The following MEGF11 variants were observed in gnomAD, a reference collection of about 807,000 sequenced individuals.
The protein encoded by MEGF11 is multiple EGF like domains 11.
Under a neutral mutation model 146.6 loss-of-function variants are expected in MEGF11, and 126 were observed. The observed-to-expected ratio is 0.86, with a 90% CI of 0.74 to 1.00. MEGF11 has a LOEUF of 1.00. Ranked by LOEUF, MEGF11 falls within the 50% of genes least tolerant of loss-of-function variation. The pLI is 0.00. For synonymous variants in MEGF11, 532 were observed against 583.4 expected (o/e 0.91, Z 1.27); for missense variants, 1,509 against 1,521.2 (o/e 0.99, Z 0.13).
intron 10 of MEGF11, among the ~76,000 whole-genome samples, chr15:65,944,221 TTAG>T (rs1238143417): frequency 6.6e-6 from 1 of 151,968 alleles, no homozygotes; most frequent in Non-Finnish European, 1.5e-5. Flanking sequence ...AGCTTTCTGT[TTAG>T]TAGATGGGAG....
At chr15:65,972,610 G>C (rs1470776579) in intron 7 of MEGF11, among the ~76,000 whole-genome samples, 3 of 152,092 alleles carry the variant, frequency 2.0e-5, no homozygotes, top group Non-Finnish European at 4.4e-5. Flanking sequence ...AATTAAGAGG[G>C]TTTAGACTTC....
rs188028840 is a variant in MEGF11, at chr15:66,059,143, C to T, written c.394+35259G>A. ...ATTTGGCTCCATTTAGAAACCATTG[C>T]TCTAACCTTAACTCACATGGAGGAC... On this transcript the variant is annotated intron_variant, in intron 5 of 25. Coordinates refer to ENST00000395614, the MANE Select transcript of MEGF11 (RefSeq NM_001385028.1). 7.4e-3 allele frequency among the ~76,000 whole-genome samples: 1,120 copies of T among 152,326 alleles called. 18 individuals are homozygous for T. The highest frequency in any genetic ancestry group is 0.026 in the African/African-American group (1,073 of 41,566).
At chr15:65,898,201 T>C in intron 25 of MEGF11, 107 bp from the exon 26 acceptor site, 1 of 1,467,630 alleles carries the variant, frequency 6.8e-7, no homozygotes, top group Non-Finnish European at 9.0e-7. Flanking sequence ...CAGGGATTTA[T>C]AAATCTATGG....
rs775691096 is a variant in MEGF11 at position 65,897,928 on chromosome 15, T to A, written c.*6A>T. The A allele has an allele frequency of 6.2e-6, 10 of 1,612,812 alleles. No individual in the cohort carries two copies. The African/African-American group carries it at 1.1e-4, about 17-fold the overall frequency. On this transcript the variant is annotated 3_prime_UTR_variant, in exon 26 of 26. Transcript: ENST00000395614. ...GAGCACACTGCAAGAGAGAAGCTTA[T>A]CCCTCTTAAGATTGCTTGTCCTGGG...
intron 5 of MEGF11, among the ~76,000 whole-genome samples, chr15:66,039,800 G>T (rs529390343): frequency 8.7e-6 from 1 of 115,242 alleles, no homozygotes; most frequent in Non-Finnish European, 1.8e-5. Context: ...GTCAGGCGGC[G>T]GTGGGGTGAC....
chr15:66,118,768 ACTT>A (rs1297065998), intron 4 of MEGF11, among the ~76,000 whole-genome samples: 12 of 152,124 alleles, frequency 7.9e-5, no homozygotes, highest in African/African-American at 2.4e-4. Context: ...GGCACCCAGC[ACTT>A]CTTCTCCCTT....
intron 5 of MEGF11, among the ~76,000 whole-genome samples, chr15:66,040,550 G>C (rs1361573897): frequency 6.6e-6 from 1 of 152,150 alleles, no homozygotes; most frequent in Non-Finnish European, 1.5e-5. Context: ...CCCCCTCCAA[G>C]TCCTACAAGG....
At chr15:66,134,677 C>T (rs1208732074) in intron 1 of MEGF11, among the ~76,000 whole-genome samples, 2 of 152,238 alleles carry the variant, frequency 1.3e-5, no homozygotes, top group African/African-American at 4.8e-5. Flanking sequence ...GAAAACATTC[C>T]TTAAACAACA....
intron 4 of MEGF11, among the ~76,000 whole-genome samples, chr15:66,100,322 TA>T: frequency 6.6e-6 from 1 of 152,084 alleles, no homozygotes; most frequent in Non-Finnish European, 1.5e-5. Context: ...ACCCTTCCCC[TA>T]AAGAGCAGGG....
At chr15:66,017,997 C>T (rs752715360) in intron 5 of MEGF11, among the ~76,000 whole-genome samples, 1 of 152,162 alleles carries the variant, frequency 6.6e-6, no homozygotes, top group Non-Finnish European at 1.5e-5. Context: ...GGGAAGGAGC[C>T]GGGTGGGCTT....
At chr15:66,122,995 G>T (rs892911737) in intron 3 of MEGF11, among the ~76,000 whole-genome samples, 6 of 152,160 alleles carry the variant, frequency 3.9e-5, no homozygotes, top group African/African-American at 9.7e-5. Context: ...GTGTTAGCCA[G>T]GATGATCTCG....
At chr15:65,908,522 T>C (rs2078698026) in intron 23 of MEGF11, among the ~76,000 whole-genome samples, 1 of 152,148 alleles carries the variant, frequency 6.6e-6, no homozygotes, top group African/African-American at 2.4e-5. Flanking sequence ...ACAGGTGATG[T>C]TGGTTGATAC....
intron 5 of MEGF11, among the ~76,000 whole-genome samples, chr15:65,992,645 G>A (rs980814314): frequency 2.0e-5 from 3 of 149,354 alleles, no homozygotes; most frequent in African/African-American, 4.9e-5. Context: ...ACTTTATCAG[G>A]GACTTTATCG....
chr15:65,992,865 C>G (rs1380548833), intron 5 of MEGF11, among the ~76,000 whole-genome samples: 1 of 152,152 alleles, frequency 6.6e-6, no homozygotes, highest in Non-Finnish European at 1.5e-5. Context: ...GTGGCTTGCC[C>G]ACAACTTCAC....
At chr15:66,218,499 G>C (rs938251332) in intron 1 of MEGF11, among the ~76,000 whole-genome samples, 4 of 152,138 alleles carry the variant, frequency 2.6e-5, no homozygotes, top group African/African-American at 9.7e-5. Context: ...CTTGATCCCT[G>C]TGGCACCTAG....
In MEGF11 at chr15:65,896,284, A is replaced by G. The variant is rs1292612563; in HGVS notation, c.*1650T>C. 2 of 152,634 alleles carry G rather than the reference A, an allele frequency of 1.3e-5. No individual in the cohort carries two copies. The highest frequency in any genetic ancestry group is 2.9e-5 in the Non-Finnish European group (2 of 68,038). The allele number at this position is 152,634 out of a possible 1,614,324, so 9.5% of individuals were successfully genotyped here. On this transcript the variant is annotated 3_prime_UTR_variant, in exon 26 of 26. Coordinates refer to ENST00000395614, the MANE Select transcript of MEGF11 (RefSeq NM_001385028.1). ...TGCAACATTCATGTAAGTATTACATATTTTCCTCTAACAGTAAAATCTGCT... is the reference window on the plus strand; with the variant it reads ...TGCAACATTCATGTAAGTATTACATGTTTTCCTCTAACAGTAAAATCTGCT...
At chr15:65,914,649 T>A (rs2078931085) in intron 19 of MEGF11, among the ~76,000 whole-genome samples, 1 of 152,162 alleles carries the variant, frequency 6.6e-6, no homozygotes, top group Middle Eastern at 3.2e-3. Context: ...TGTCTAGACT[T>A]CTCCTTGACT....
At chr15:65,899,610 TAGC>T (rs1159747687) in intron 24 of MEGF11, among the ~76,000 whole-genome samples, 1 of 152,204 alleles carries the variant, frequency 6.6e-6, no homozygotes, top group Non-Finnish European at 1.5e-5. Flanking sequence ...GGCAGACTCT[TAGC>T]AGTATCCCTG....
At chr15:65,961,614 T>G (rs1390940693) in intron 9 of MEGF11, among the ~76,000 whole-genome samples, 1 of 152,214 alleles carries the variant, frequency 6.6e-6, no homozygotes, top group African/African-American at 2.4e-5. Context: ...ATAAAGGGAA[T>G]GAAGAGTTGG....
Sources: gnomAD v4.1 joint callset for allele counts (sites outside exome capture counted in the v4.1 genomes callset) on GRCh38, gnomAD v4.1.1 for gene constraint, MANE v1.5 for transcripts, NCBI Gene and HGNC (gene_info 2026-07-23, HGNC 2026-07-21) for gene names.